Variants in TRIM2 observed in about 807,000 individuals in gnomAD.
TRIM2 encodes the protein tripartite motif containing 2.
A neutral mutation model predicts 75.2 loss-of-function variants in TRIM2; 20 were observed. The observed-to-expected ratio is 0.27, with a 90% confidence interval of 0.19 to 0.39. TRIM2 has a LOEUF of 0.39. Among genes scored for constraint, TRIM2 ranks in the 10% least tolerant of loss-of-function variants. TRIM2 has a pLI of 1.00. For synonymous variants in TRIM2, 373 were observed against 388.3 expected (o/e 0.96, Z 0.46); for missense variants, 660 against 990.8 (o/e 0.67, Z 4.48).
chr4:153,163,949 G>C (rs1266614457), intron 1 of TRIM2, among the ~76,000 whole-genome samples: 7 of 152,078 alleles, frequency 4.6e-5, no homozygotes, highest in Non-Finnish European at 1.0e-4. Context: ...CAAAAAAACT[G>C]TTATTAATGA....
intron 1 of TRIM2, among the ~76,000 whole-genome samples, chr4:153,178,606 T>C (rs1731721226): frequency 6.6e-6 from 1 of 152,170 alleles, no homozygotes; most frequent in South Asian, 2.1e-4. Flanking sequence ...TTCCTTGAGA[T>C]GTTGGCTTTA....
At chr4:153,334,673 A>ACCAG in intron 11 of TRIM2, 141 bp from the exon 12 acceptor site, 2 of 763,506 alleles carry the variant, frequency 2.6e-6, no homozygotes, top group Non-Finnish European at 4.1e-6. Context: ...ACCACGGCAC[A>ACCAG]CCAGCCTGGG....
At chr4:153,207,333 A>G (rs2149696642) in intron 1 of TRIM2, among the ~76,000 whole-genome samples, 1 of 152,316 alleles carries the variant, frequency 6.6e-6, no homozygotes, top group East Asian at 1.9e-4. Flanking sequence ...GCCAAAGAAC[A>G]CGGGTTTAAA....
chr4:153,227,493 T>C (rs1012281591), intron 1 of TRIM2, among the ~76,000 whole-genome samples: 3 of 152,220 alleles, frequency 2.0e-5, no homozygotes, highest in African/African-American at 7.2e-5. Context: ...TTTTGCTGAC[T>C]ACATGCAATT....
chr4:153,211,973 T>G (rs760805220), intron 1 of TRIM2, among the ~76,000 whole-genome samples: 2 of 152,188 alleles, frequency 1.3e-5, no homozygotes, highest in African/African-American at 4.8e-5. Flanking sequence ...TAGATGGAAA[T>G]ATCCCTTCTC....
chr4:153,318,780 T>A lies in TRIM2; in HGVS notation c.1782+2781T>A, dbSNP rs1461755187. The stretch of plus-strand genomic sequence containing the variant: ...TAAGGAAGAAGGGCTCTCTAAGCAT[T>A]TTTTGTTCAGTGGTTCAATAGTCTA... On this transcript the variant is annotated intron_variant, in intron 8 of 11. Coordinates refer to ENST00000338700, the MANE Select transcript of TRIM2 (RefSeq NM_015271.5). Among the ~76,000 whole-genome samples the A allele has an allele frequency of 8.7e-4, 133 of 152,320 alleles. 1 individual carries two copies. The highest frequency in any genetic ancestry group is 2.9e-5 in the Non-Finnish European group (2 of 68,026).
intron 1 of TRIM2, among the ~76,000 whole-genome samples, chr4:153,206,148 C>T (rs773111549): frequency 6.6e-6 from 1 of 152,226 alleles, no homozygotes; most frequent in Non-Finnish European, 1.5e-5. Context: ...CAGTTTAACT[C>T]AATTCTGACA....
At chr4:153,242,789 C>T (rs752364551) in intron 1 of TRIM2, among the ~76,000 whole-genome samples, 3 of 152,210 alleles carry the variant, frequency 2.0e-5, no homozygotes, top group Non-Finnish European at 4.4e-5. Context: ...GGAGTTAGGC[C>T]TGAGATCTGC....
rs775717184 is a variant in TRIM2 at position 153,294,372 on chromosome 4, G to A, written c.673G>A (p.Ala225Thr). Residue 225 changes from alanine (A) to threonine (T), a missense_variant, in exon 5 of 12, where the codon GCC becomes ACC. Physicochemically the swap from Ala to Thr is moderately conservative, Grantham distance 58. Around this residue, in one of 2 missense-constraint regions of TRIM2, gnomAD observed 620 missense variants for 891.0 expected, o/e 0.70. Coordinates refer to ENST00000338700, the MANE Select transcript of TRIM2 (RefSeq NM_015271.5). The part of the protein sequence containing the change: ...EIIHQLTNQK[A>T]SIVDDIHSTF... ...CATTCATCAGTTAACCAACCAAAAG[G>A]CCAGCATCGTGGATGACATTCATTC... The A allele has an allele frequency of 6.2e-6, 10 of 1,613,962 alleles. No individual in the cohort carries two copies. The African/African-American group carries it at 1.2e-4, about 19-fold the overall frequency.
At chr4:153,260,612 C>G (rs999976790) in intron 1 of TRIM2, among the ~76,000 whole-genome samples, 1 of 151,096 alleles carries the variant, frequency 6.6e-6, no homozygotes, top group Non-Finnish European at 1.5e-5. Flanking sequence ...TTGGACACAC[C>G]CTGCCTGAAG....
In TRIM2 at chr4:153,295,531, G is replaced by A. The variant is rs1762597728; in HGVS notation, c.1005G>A (p.Leu335=). 6.2e-7 allele frequency: 1 copy of A among 1,613,550 alleles called. No individual in the cohort carries two copies. The highest frequency in any genetic ancestry group is 1.7e-5 in the Admixed American group (1 of 60,000). ...ATTTCATCGTGGAAACCGAGGGGCT[G>A]AAGAAGTCCATCCACAACCTCGGGA... The part of the protein sequence containing the change: ...QLDFIVETEG[L]KKSIHNLGTI... The change falls in exon 6 of 12, where the codon CTG becomes CTA. Residue 335 remains leucine (L), a synonymous_variant. Transcript: ENST00000338700. This position sits in a 1 kb window ranked among gnomAD's most constrained non-coding sequence, Gnocchi z 7.2.
intron 3 of TRIM2, among the ~76,000 whole-genome samples, chr4:153,277,641 G>A (rs567145562): frequency 6.6e-6 from 1 of 152,322 alleles, no homozygotes; most frequent in South Asian, 2.1e-4. Context: ...TGAAGAAACT[G>A]AGGCTGAAAC....
chr4:153,171,298 A>C (rs971666752), intron 1 of TRIM2, among the ~76,000 whole-genome samples: 1 of 152,172 alleles, frequency 6.6e-6, no homozygotes, highest in South Asian at 2.1e-4. Context: ...ACTCAGTATG[A>C]ATTGGGGCTA....
chr4:153,232,160 C>T lies in TRIM2; in HGVS notation c.30+27600C>T, dbSNP rs1041352278. Among the ~76,000 whole-genome samples, 6 of 152,148 alleles carry T rather than the reference C, an allele frequency of 3.9e-5. 1 individual carries two copies. Among genetic ancestry groups the T allele is most frequent in the African/African-American group, 1.2e-4 (5 of 41,424 alleles). On this transcript the variant is annotated intron_variant, in intron 1 of 11. Coordinates refer to ENST00000338700, the MANE Select transcript of TRIM2 (RefSeq NM_015271.5). ...AGTCACAATCTGAGGTACTGGGAGA[C>T]ATCAATATATCTTTTTGGAGGGAGG...
At chr4:153,195,325 A>G (rs962558955) in intron 1 of TRIM2, among the ~76,000 whole-genome samples, 16 of 152,038 alleles carry the variant, frequency 1.1e-4, no homozygotes, top group Non-Finnish European at 1.3e-4. Flanking sequence ...GCAGCCTGGG[A>G]AAACTGGCAA....
intron 1 of TRIM2, among the ~76,000 whole-genome samples, chr4:153,167,229 G>A (rs1227179222): frequency 6.6e-6 from 1 of 152,188 alleles, no homozygotes; most frequent in African/African-American, 2.4e-5. Flanking sequence ...TATTAGTTTT[G>A]TACTGTAAGA....
At chr4:153,311,051 C>T (rs1380763523) in intron 6 of TRIM2, among the ~76,000 whole-genome samples, 1 of 152,164 alleles carries the variant, frequency 6.6e-6, no homozygotes, top group Non-Finnish European at 1.5e-5. Context: ...TGGAACATCT[C>T]ACATTCATGT....
At chr4:153,162,237 T>G (rs751123878) in intron 1 of TRIM2, among the ~76,000 whole-genome samples, 1 of 152,210 alleles carries the variant, frequency 6.6e-6, no homozygotes, top group Non-Finnish European at 1.5e-5. Context: ...CATATAGATA[T>G]ATAGATGATA....
At chr4:153,225,694 G>T (rs1383425107) in intron 1 of TRIM2, among the ~76,000 whole-genome samples, 5 of 152,106 alleles carry the variant, frequency 3.3e-5, no homozygotes, top group Non-Finnish European at 4.4e-5. Context: ...TAAGGGGAGT[G>T]AATTTCATGA....
Sources: allele counts gnomAD v4.1 joint callset (sites outside exome capture counted in the v4.1 genomes callset), GRCh38; gene constraint gnomAD v4.1.1; regional missense constraint gnomAD v4.1.1; non-coding constraint Gnocchi (gnomAD v3.1); transcripts MANE v1.5; gene names NCBI Gene and HGNC (gene_info 2026-07-23, HGNC 2026-07-21).